The following UBR3 variants were observed in gnomAD, a reference collection of about 807,000 sequenced individuals.
The protein encoded by UBR3 is E3 ubiquitin-protein ligase UBR3.
A neutral mutation model predicts 243.2 loss-of-function variants in UBR3; 85 were observed. The observed-to-expected ratio is 0.35, with a 90% CI of 0.29 to 0.42. The LOEUF is 0.42. Ranked by LOEUF, UBR3 falls within the 10% of genes least tolerant of loss-of-function variation. The pLI is 1.00. For missense variants in UBR3, 1,686 were observed against 2,300.8 expected, an observed-to-expected ratio of 0.73 and a Z score of 5.47; for synonymous variants, 748 against 799.8, an observed-to-expected ratio of 0.94 and a Z score of 1.09.
At chr2:169,891,980 A>G (rs1156378134) in intron 6 of UBR3, among the ~76,000 whole-genome samples, 3 of 152,222 alleles carry the variant, frequency 2.0e-5, no homozygotes, top group African/African-American at 7.2e-5. Context: ...GTTGGTTTAG[A>G]AAGTCTCCAG....
intron 24 of UBR3, among the ~76,000 whole-genome samples, chr2:169,962,908 G>A (rs889040262): frequency 2.0e-5 from 3 of 152,176 alleles, no homozygotes; most frequent in African/African-American, 7.2e-5. Flanking sequence ...TTACTGAGGT[G>A]TAAAGAGGTT....
intron 30 of UBR3, among the ~76,000 whole-genome samples, chr2:170,016,017 C>G (rs2105411551): frequency 6.6e-6 from 1 of 151,642 alleles, no homozygotes; most frequent in Middle Eastern, 3.4e-3. Context: ...ATTATTTGCC[C>G]CAGATCACTG....
chr2:170,054,486 G>T (rs986722065), intron 32 of UBR3, among the ~76,000 whole-genome samples: 5 of 152,076 alleles, frequency 3.3e-5, no homozygotes, highest in Non-Finnish European at 7.4e-5. Flanking sequence ...GTTTCACTAT[G>T]TTGGCCAGGC....
At chr2:169,833,911 T>C (rs545553028) in intron 1 of UBR3, among the ~76,000 whole-genome samples, 1 of 152,204 alleles carries the variant, frequency 6.6e-6, no homozygotes, top group South Asian at 2.1e-4. Flanking sequence ...CCCTCCCAAG[T>C]AGCTGTGACT....
chr2:169,860,470 G>C (rs2083048703), intron 1 of UBR3, among the ~76,000 whole-genome samples: 1 of 152,144 alleles, frequency 6.6e-6, no homozygotes, highest in African/African-American at 2.4e-5. Context: ...CATTTATTTT[G>C]AGGTTTCGCC....
At chr2:169,858,193 A>G (rs917027505) in intron 1 of UBR3, among the ~76,000 whole-genome samples, 5 of 152,188 alleles carry the variant, frequency 3.3e-5, no homozygotes, top group African/African-American at 1.2e-4. Flanking sequence ...TGGCACTGTA[A>G]TCTTCCAGAG....
intron 26 of UBR3, among the ~76,000 whole-genome samples, chr2:169,997,310 A>G (rs1212787629): frequency 4.6e-5 from 7 of 152,178 alleles, no homozygotes; most frequent in South Asian, 2.1e-4. Flanking sequence ...GGATCCCGCA[A>G]CCACTGCAGC....
At chr2:170,049,829 T>C (rs2091175981) in intron 32 of UBR3, among the ~76,000 whole-genome samples, 1 of 152,216 alleles carries the variant, frequency 6.6e-6, no homozygotes, top group South Asian at 2.1e-4. Flanking sequence ...CTATCTATCC[T>C]AATGCCCACT....
intron 24 of UBR3, among the ~76,000 whole-genome samples, chr2:169,985,122 G>GTGTTCT: frequency 6.6e-6 from 1 of 151,470 alleles, no homozygotes; most frequent in South Asian, 2.1e-4. Context: ...AGGTATCTCT[G>GTGTTCT]TGTTCTCCTT....
rs905409598 is a variant in UBR3 at position 170,082,003 on chromosome 2, T to C, written c.*160T>C. The C allele has an allele frequency of 8.8e-6, 4 of 453,754 alleles. No homozygotes were observed. The highest frequency in any genetic ancestry group is 8.1e-5 in the African/African-American group (4 of 49,314). The allele number at this position is 453,754 out of a possible 1,614,324, so 28.1% of individuals were successfully genotyped here. ...CAAAATTAGGTGCTTGGTAATCACGTTAATGGTATAATTTTTTTTTTTTAA... is the reference window on the plus strand; with the variant it reads ...CAAAATTAGGTGCTTGGTAATCACGCTAATGGTATAATTTTTTTTTTTTAA... On this transcript the variant is annotated 3_prime_UTR_variant, in exon 39 of 39. Coordinates refer to ENST00000272793, the MANE Select transcript of UBR3 (RefSeq NM_172070.4).
intron 23 of UBR3, among the ~76,000 whole-genome samples, chr2:169,954,108 T>A (rs933711658): frequency 2.0e-5 from 3 of 152,190 alleles, no homozygotes; most frequent in Admixed American, 2.0e-4. Context: ...AGATTGATAG[T>A]GGTATTTGAG....
At chr2:169,939,981 T>A (rs542321849) in intron 19 of UBR3, among the ~76,000 whole-genome samples, 2 of 152,296 alleles carry the variant, frequency 1.3e-5, no homozygotes, top group East Asian at 3.9e-4. Flanking sequence ...CTTTTAATTT[T>A]TATTGTTATA....
chr2:169,913,169 A>G (rs1270535627), intron 10 of UBR3, among the ~76,000 whole-genome samples: 1 of 151,870 alleles, frequency 6.6e-6, no homozygotes, highest in Non-Finnish European at 1.5e-5. Context: ...CCTTCCTAAC[A>G]CTTTCTGTTT....
At position 169,882,127 on chromosome 2, in the gene UBR3, A is replaced by G. The variant is rs539737579; in HGVS notation, c.1038+3553A>G. Among the ~76,000 whole-genome samples, 423 of 128,248 alleles carry G rather than the reference A, an allele frequency of 3.3e-3. 2 individuals carry two copies. Among genetic ancestry groups the G allele is most frequent in the African/African-American group, 0.012 (389 of 33,174 alleles). 84.1% of individuals were successfully genotyped at this position (128,248 alleles called of 152,430 possible). The stretch of plus-strand genomic sequence containing the variant: ...TATTTATATTATATATGTATATTAT[A>G]TACATATATTTATATTATATATGTA... On this transcript the variant is annotated intron_variant, in intron 5 of 38. Transcript: ENST00000272793.
At chr2:169,838,924 AATT>A (rs1020956610) in intron 1 of UBR3, among the ~76,000 whole-genome samples, 1 of 152,206 alleles carries the variant, frequency 6.6e-6, no homozygotes, top group African/African-American at 2.4e-5. Context: ...TGGGAATGTA[AATT>A]ATTAATAGTA....
chr2:170,073,962 A>T (rs1195379368), intron 36 of UBR3, among the ~76,000 whole-genome samples: 1 of 152,180 alleles, frequency 6.6e-6, no homozygotes. Context: ...AAATTGGACT[A>T]GCAAATCTAA....
intron 8 of UBR3, among the ~76,000 whole-genome samples, chr2:169,901,025 A>G (rs1385580228): frequency 6.6e-6 from 1 of 152,194 alleles, no homozygotes; most frequent in African/African-American, 2.4e-5. Flanking sequence ...GCCAGTGGTC[A>G]TAGTTTAAAC....
At chr2:170,016,789 C>T (rs1470721082) in intron 30 of UBR3, 1 of 429,170 alleles carries the variant, frequency 2.3e-6, no homozygotes, top group African/African-American at 2.2e-5. Context: ...CTTTAATTAC[C>T]AGAGTCAATT....
At chr2:169,897,270 A>C (rs1385494719) in intron 8 of UBR3, among the ~76,000 whole-genome samples, 1 of 152,088 alleles carries the variant, frequency 6.6e-6, no homozygotes, top group Non-Finnish European at 1.5e-5. Context: ...TAACTTAAAA[A>C]TTGGGATAAA....
Sources: gnomAD v4.1 joint callset for allele counts (sites outside exome capture counted in the v4.1 genomes callset) on GRCh38, gnomAD v4.1.1 for gene constraint, MANE v1.5 for transcripts, NCBI Gene and HGNC (gene_info 2026-07-23, HGNC 2026-07-21) for gene names.